The following BRD4 variants were observed in gnomAD, a reference collection of about 807,000 sequenced individuals.
The protein encoded by BRD4 is bromodomain-containing protein 4.
A neutral mutation model predicts 142.1 loss-of-function variants in BRD4; 16 were observed. The observed-to-expected ratio is 0.11, with a 90% CI of 0.08 to 0.17. BRD4 has a LOEUF of 0.17. BRD4 is among the 10% of genes least tolerant of loss of function. The pLI, the probability that BRD4 is intolerant of heterozygous loss-of-function variation, is 1.00. For missense variants in BRD4, 1,424 were observed against 1,810.9 expected, an observed-to-expected ratio of 0.79 and a Z score of 3.88; for synonymous variants, 833 against 707.5, an observed-to-expected ratio of 1.18 and a Z score of -2.82.
At chr19:15,301,712 T>A (rs551181089) in intron 1 of BRD4, among the ~76,000 whole-genome samples, 37 of 150,836 alleles carry the variant, frequency 2.5e-4, no homozygotes, top group Admixed American at 5.3e-4. Flanking sequence ...ATACAAAAAA[T>A]TGGCCAGGCA....
chr19:15,310,188 A>G (rs1366033950), intron 1 of BRD4, among the ~76,000 whole-genome samples: 1 of 149,006 alleles, frequency 6.7e-6, no homozygotes, highest in African/African-American at 2.5e-5. Flanking sequence ...TGAAAGGGTG[A>G]GATCCAATCC....
At chr19:15,326,495 A>T (rs750991128) in intron 1 of BRD4, among the ~76,000 whole-genome samples, 6 of 152,166 alleles carry the variant, frequency 3.9e-5, no homozygotes, top group Non-Finnish European at 5.9e-5. Flanking sequence ...ATAAATAAAT[A>T]AAAATTAAAA....
chr19:15,272,148 G>C (rs1468347416), intron 2 of BRD4, among the ~76,000 whole-genome samples: 1 of 152,170 alleles, frequency 6.6e-6, no homozygotes, highest in Non-Finnish European at 1.5e-5. Flanking sequence ...AGAACAGTTT[G>C]CTAGGGACAT....
chr19:15,309,195 T>G (rs1346079327), intron 1 of BRD4, among the ~76,000 whole-genome samples: 1 of 150,678 alleles, frequency 6.6e-6, no homozygotes, highest in Non-Finnish European at 1.5e-5. Flanking sequence ...TAGCCAGGCG[T>G]GGTGGTGGGC....
At chr19:15,296,698 G>A (rs1407700206) in intron 1 of BRD4, among the ~76,000 whole-genome samples, 2 of 152,212 alleles carry the variant, frequency 1.3e-5, no homozygotes, top group Admixed American at 6.5e-5. Context: ...GCCACACTGA[G>A]ATTCTGAAGC....
At position 15,236,895 on chromosome 19, in the gene BRD4, C is replaced by T. The variant is rs946414214; in HGVS notation, c.*1482G>A. On this transcript the variant is annotated 3_prime_UTR_variant, in exon 20 of 20. Transcript: ENST00000679869. ...CAGTACAGACCAAATGCATATTCAC[C>T]GTATGAAAGTCAAACCAGTCAGTGA... The T allele has an allele frequency of 6.0e-5, 12 of 200,610 alleles. No homozygotes were observed. The highest frequency in any genetic ancestry group is 1.1e-4 in the Non-Finnish European group (11 of 97,610). 12.4% of individuals were successfully genotyped at this position (200,610 alleles called of 1,614,324 possible). A position where few individuals can be genotyped will look rare whatever the true frequency, so the allele number is the denominator to read the frequency against.
intron 1 of BRD4, among the ~76,000 whole-genome samples, chr19:15,331,207 A>T (rs2048154249): frequency 6.6e-6 from 1 of 152,252 alleles, no homozygotes. Context: ...TCAGCCACCC[A>T]GGAGAAGCAC....
intron 1 of BRD4, among the ~76,000 whole-genome samples, chr19:15,280,021 C>G (rs902061010): frequency 6.6e-6 from 1 of 152,144 alleles, no homozygotes; most frequent in Admixed American, 6.5e-5. Context: ...AGACCTGCAC[C>G]AGGGCCTAGA....
intron 11 of BRD4, chr19:15,249,420 C>T (rs2145540001): frequency 1.3e-6 from 2 of 1,508,948 alleles, no homozygotes; most frequent in Non-Finnish European, 1.8e-6. Flanking sequence ...ACAAGAACGG[C>T]ACTGGAGACT....
intron 7 of BRD4, among the ~76,000 whole-genome samples, chr19:15,259,030 C>T (rs2047441743): frequency 6.6e-6 from 1 of 152,098 alleles, no homozygotes; most frequent in Non-Finnish European, 1.5e-5. Context: ...GGGGGCTTCA[C>T]ATCAGAGTGG....
intron 1 of BRD4, among the ~76,000 whole-genome samples, chr19:15,325,306 T>A (rs1451626481): frequency 6.6e-6 from 1 of 152,162 alleles, no homozygotes; most frequent in Non-Finnish European, 1.5e-5. Flanking sequence ...TTATCAGTCT[T>A]TGGAGCAAGG....
intron 9 of BRD4, 138 bp downstream of exon 9, chr19:15,255,926 G>A (rs1337054502): frequency 6.9e-6 from 8 of 1,152,684 alleles, no homozygotes; most frequent in Non-Finnish European, 9.9e-6. Context: ...GTGGCCACCA[G>A]CCTGGCCTGT....
chr19:15,271,685 C>T (rs2047588653), intron 2 of BRD4, among the ~76,000 whole-genome samples: 2 of 152,236 alleles, frequency 1.3e-5, no homozygotes, highest in Admixed American at 6.5e-5. Context: ...ACACAGCTGA[C>T]TGCCTCCACT....
At chr19:15,323,581 T>C (rs1474539830) in intron 1 of BRD4, among the ~76,000 whole-genome samples, 1 of 152,204 alleles carries the variant, frequency 6.6e-6, no homozygotes, top group Non-Finnish European at 1.5e-5. Flanking sequence ...TAGACATGTA[T>C]GTGTTACTGC....
chr19:15,244,844 A>G (rs1298620537), intron 11 of BRD4, 82 bp from the exon 12 acceptor site: 1 of 1,606,752 alleles, frequency 6.2e-7, no homozygotes, highest in Non-Finnish European at 8.5e-7. Context: ...ACGAGAAAAC[A>G]GGGCACTTTC....
chr19:15,331,200 G>A (rs370212100), intron 1 of BRD4, among the ~76,000 whole-genome samples: 3 of 152,286 alleles, frequency 2.0e-5, no homozygotes, highest in African/African-American at 7.2e-5. Flanking sequence ...AGGGAGGTCA[G>A]CCACCCAGGA....
chr19:15,303,094 G>C (rs1459849050), intron 1 of BRD4, among the ~76,000 whole-genome samples: 1 of 151,874 alleles, frequency 6.6e-6, no homozygotes, highest in Non-Finnish European at 1.5e-5. Context: ...TTTACACTGA[G>C]AGAACAAAGC....
intron 1 of BRD4, among the ~76,000 whole-genome samples, chr19:15,323,823 A>G (rs534558313): frequency 6.6e-6 from 1 of 152,304 alleles, no homozygotes; most frequent in Non-Finnish European, 1.5e-5. Flanking sequence ...GGGCCTGGAT[A>G]GCATTTCTCA....
At position 15,238,630 on chromosome 19, in the gene BRD4, G is replaced by C; in HGVS notation, c.4020+113C>G. 6.9e-7 allele frequency: 1 copy of C among 1,457,310 alleles called. No individual in the cohort carries two copies. Among genetic ancestry groups the C allele is most frequent in the Non-Finnish European group, 9.1e-7 (1 of 1,101,856 alleles). The allele number at this position is 1,457,310 out of a possible 1,614,324, so 90.3% of individuals were successfully genotyped here. On this transcript the variant is annotated intron_variant, in intron 19 of 19. Transcript: ENST00000679869. This position sits in a 1 kb window ranked among gnomAD's most constrained non-coding sequence, Gnocchi z 7.2. The stretch of plus-strand genomic sequence containing the variant: ...AGTCCAGAGGACCACATGCCGACCA[G>C]CAGGGACGGGGCTCCCCCGCTGCCC...
Sources: gnomAD v4.1 joint callset for allele counts (sites outside exome capture counted in the v4.1 genomes callset) on GRCh38, gnomAD v4.1.1 for gene constraint, Gnocchi (gnomAD v3.1) non-coding constraint, MANE v1.5 for transcripts, NCBI Gene and HGNC (gene_info 2026-07-23, HGNC 2026-07-21) for gene names.